The following TBC1D31 variants were observed in gnomAD, a reference collection of about 807,000 sequenced individuals.
TBC1D31 encodes WD repeat domain 67.
A neutral mutation model predicts 132.9 loss-of-function variants in TBC1D31; 99 were observed. That is an observed-to-expected ratio of 0.74 (90% CI 0.63 to 0.88). The LOEUF is 0.88. Ranked by LOEUF, TBC1D31 falls within the 40% of genes least tolerant of loss-of-function variation. TBC1D31 has a pLI of 0.00. For missense variants in TBC1D31, 1,134 were observed against 1,256.6 expected, an observed-to-expected ratio of 0.90 and a Z score of 1.48; for synonymous variants, 385 against 419.4, an observed-to-expected ratio of 0.92 and a Z score of 1.00.
chr8:123,104,591 G>A (rs1335381388), intron 7 of TBC1D31, among the ~76,000 whole-genome samples: 1 of 152,142 alleles, frequency 6.6e-6, no homozygotes, highest in Non-Finnish European at 1.5e-5. Context: ...TTTGAAGAAG[G>A]AAGATCTTTT....
downstream of TBC1D31, among the ~76,000 whole-genome samples, chr8:123,154,073 C>A (rs1285296865): frequency 1.3e-5 from 2 of 152,192 alleles, no homozygotes; most frequent in African/African-American, 4.8e-5. Flanking sequence ...AAGATTTCGG[C>A]ATTTGTAAAG....
At chr8:123,079,604 A>G (rs1814925704) in intron 2 of TBC1D31, among the ~76,000 whole-genome samples, 1 of 152,214 alleles carries the variant, frequency 6.6e-6, no homozygotes, top group African/African-American at 2.4e-5. Context: ...TTCATGACTA[A>G]TGAACTTCAA....
intron 16 of TBC1D31, among the ~76,000 whole-genome samples, chr8:123,131,671 A>G (rs1288837420): frequency 6.6e-6 from 1 of 152,166 alleles, no homozygotes; most frequent in African/African-American, 2.4e-5. Flanking sequence ...ACCATGCTAC[A>G]TTGTAAAAGT....
At chr8:123,101,049 C>G (rs1008776473) in intron 7 of TBC1D31, 42 bp downstream of exon 7, 1 of 1,334,104 alleles carries the variant, frequency 7.5e-7, no homozygotes, top group Non-Finnish European at 1.1e-6. Flanking sequence ...TTTATAAACA[C>G]TTATATATTA....
intron 2 of TBC1D31, among the ~76,000 whole-genome samples, chr8:123,078,818 C>T (rs1261663706): frequency 6.6e-6 from 1 of 151,316 alleles, no homozygotes; most frequent in Non-Finnish European, 1.5e-5. Flanking sequence ...TTTAGTAAGG[C>T]ATGGATATTG....
At chr8:123,117,940 A>C (rs1397992275) in intron 10 of TBC1D31, among the ~76,000 whole-genome samples, 1 of 152,180 alleles carries the variant, frequency 6.6e-6, no homozygotes, top group Non-Finnish European at 1.5e-5. Context: ...AAATTAAATA[A>C]ATAAAATGAC....
At chr8:123,107,484 G>C (rs1818042059) in intron 8 of TBC1D31, among the ~76,000 whole-genome samples, 1 of 152,072 alleles carries the variant, frequency 6.6e-6, no homozygotes, top group South Asian at 2.1e-4. Context: ...CTTCTTTAAA[G>C]AAAAAACTGA....
intron 11 of TBC1D31, among the ~76,000 whole-genome samples, chr8:123,121,642 C>T (rs190012572): frequency 3.7e-4 from 56 of 152,302 alleles, no homozygotes; most frequent in Non-Finnish European, 7.1e-4. Context: ...CCTCATCTGT[C>T]GCTCCTGCTC....
At chr8:123,145,144 C>CA (rs1822068248) in intron 20 of TBC1D31, among the ~76,000 whole-genome samples, 1 of 152,156 alleles carries the variant, frequency 6.6e-6, no homozygotes, top group African/African-American at 2.4e-5. Context: ...AAGCTGGTCT[C>CA]AAACTGCTGG....
chr8:123,129,390 CA>C (rs1028575530), intron 15 of TBC1D31, among the ~76,000 whole-genome samples, 172 bp downstream of exon 15: 4 of 151,820 alleles, frequency 2.6e-5, no homozygotes, highest in African/African-American at 9.7e-5. Flanking sequence ...TACCACTTTT[CA>C]AAAAAAATTG....
At chr8:123,156,440 CA>C (rs34267268), downstream of TBC1D31, among the ~76,000 whole-genome samples, 64,042 of 101,074 alleles carry the variant, frequency 0.63, 17,811 homozygotes, top group Middle Eastern at 0.72. Context: ...GACCCTGTCT[CA>C]AAAAAAAAAA....
rs115372271 is a variant in TBC1D31 at position 123,136,161 on chromosome 8, G to T, written c.2499+1955G>T. ...TCAAAATCAGAAATTAACATAAGAT[G>T]ATCTGATATATAAACCTTATTCAGA... On this transcript the variant is annotated intron_variant, in intron 17 of 21. Transcript: ENST00000287380. Among the ~76,000 whole-genome samples the T allele has an allele frequency of 2.0e-3, 305 of 152,216 alleles. 2 individuals carry two copies. The highest frequency in any genetic ancestry group is 7.0e-3 in the African/African-American group (291 of 41,536).
chr8:123,109,443 T>A, intron 9 of TBC1D31, 31 bp from the exon 10 acceptor site: 2 of 1,608,270 alleles, frequency 1.2e-6, no homozygotes, highest in South Asian at 2.2e-5. Context: ...TCAAAAAAAA[T>A]TGGGGGGATT....
rs752201363 is a variant in TBC1D31 at position 123,140,838 on chromosome 8, T to C, written c.2577T>C (p.Leu859=). Residue 859 remains leucine, a synonymous_variant, in exon 18 of 22, where the codon CTT becomes CTC. Transcript: ENST00000287380. ...ATGCCTATAGACGAAAAGTGGATCT[T>C]GAAGAACACATGTTTCATAAGCTGA... ...DADAYRRKVD[L]EEHMFHKLIE... is the part of the protein sequence containing the mutation. The C allele has an allele frequency of 1.9e-6, 3 of 1,613,610 alleles. No homozygotes were observed. The East Asian group carries it at 6.7e-5, about 36-fold the overall frequency.
chr8:123,164,783 C>G, the TBC1D31 span, among the ~76,000 whole-genome samples: 6 of 152,082 alleles, frequency 3.9e-5, no homozygotes, highest in Admixed American at 3.9e-4. Flanking sequence ...CAAGTCCCCT[C>G]AAGTCACTCC....
chr8:123,148,287 G>C, intron 20 of TBC1D31, among the ~76,000 whole-genome samples: 1 of 152,168 alleles, frequency 6.6e-6, no homozygotes, highest in East Asian at 1.9e-4. Flanking sequence ...AAAGTTTCAC[G>C]AGTGAATATC....
In TBC1D31 at chr8:123,143,814, G is replaced by A. The variant is rs147885574; in HGVS notation, c.2836-903G>A. Among the ~76,000 whole-genome samples the A allele has an allele frequency of 2.0e-3, 312 of 152,248 alleles. 2 individuals are homozygous for A. Among genetic ancestry groups the A allele is most frequent in the African/African-American group, 7.3e-3 (303 of 41,542 alleles). On this transcript the variant is annotated intron_variant, in intron 19 of 21. Coordinates refer to ENST00000287380, the MANE Select transcript of TBC1D31 (RefSeq NM_145647.4). ...AGCTCACATTCTCATCCTAAACATT[G>A]CTGACACTAGGGCTATACTGTGTGA...
At chr8:123,097,205 T>C in intron 5 of TBC1D31, 77 bp from the exon 6 acceptor site, 1 of 1,484,748 alleles carries the variant, frequency 6.7e-7, no homozygotes, top group Non-Finnish European at 9.3e-7. Flanking sequence ...ATTTCTGTCA[T>C]CATAGAAAGT....
rs1029135233 is a variant in TBC1D31, at chr8:123,077,323, C to T, written c.224+66C>T. On this transcript the variant is annotated intron_variant, in intron 2 of 21. Coordinates refer to ENST00000287380, the MANE Select transcript of TBC1D31 (RefSeq NM_145647.4). Reference sequence around the variant, plus strand: ...ATTAATTCACTGACTGTTTTCGTACCTGCTATTCATTATTCATTCAGAAAG... The same window carrying T: ...ATTAATTCACTGACTGTTTTCGTACTTGCTATTCATTATTCATTCAGAAAG... The T allele has an allele frequency of 1.5e-5, 21 of 1,408,770 alleles. No homozygotes were observed. The African/African-American group carries it at 2.8e-4, about 19-fold the overall frequency. 87.3% of individuals were successfully genotyped at this position (1,408,770 alleles called of 1,614,324 possible).
Sources: allele counts gnomAD v4.1 joint callset (sites outside exome capture counted in the v4.1 genomes callset), GRCh38; gene constraint gnomAD v4.1.1; transcripts MANE v1.5; gene names NCBI Gene and HGNC (gene_info 2026-07-23, HGNC 2026-07-21).